Variants in KIF1B observed in about 807,000 individuals in gnomAD.
The protein encoded by KIF1B is kinesin-like protein KIF1B.
In KIF1B, 76 loss-of-function variants were observed where a neutral mutation model predicts 241.9. The observed-to-expected ratio is 0.31, with a 90% CI of 0.26 to 0.38. The LOEUF (loss-of-function observed/expected upper bound fraction) is 0.38, where lower values mean the gene tolerates loss of function less well. Among genes scored for constraint, KIF1B ranks in the 10% least tolerant of loss-of-function variants. The pLI is 1.00. For missense variants in KIF1B, 1,622 were observed against 2,271.4 expected (o/e 0.71, Z 5.81); for synonymous variants, 750 against 796.7 (o/e 0.94, Z 0.99).
rs182366746 is a variant in KIF1B at position 10,317,972 on chromosome 1, A to C, written c.2116-2071A>C. ...GTCAAATGCTAAAATCTTTATTTAAAGATGAAGAAGGTGAAGTTTAGAGAT... is the reference window on the plus strand; with the variant it reads ...GTCAAATGCTAAAATCTTTATTTAACGATGAAGAAGGTGAAGTTTAGAGAT... On this transcript the variant is annotated intron_variant, in intron 22 of 48. Coordinates refer to ENST00000676179, the MANE Select transcript of KIF1B (RefSeq NM_001365951.3). Among the ~76,000 whole-genome samples, 4 of 151,744 alleles carry C rather than the reference A, an allele frequency of 2.6e-5. No homozygotes were observed. In the East Asian group the frequency reaches 7.7e-4, roughly 29 times the overall value.
chr1:10,350,753 G>A (rs945946720), intron 37 of KIF1B, among the ~76,000 whole-genome samples: 4 of 152,092 alleles, frequency 2.6e-5, no homozygotes, highest in African/African-American at 9.7e-5. Context: ...CCAAGCTCAA[G>A]GACCCTCTGA....
intron 2 of KIF1B, among the ~76,000 whole-genome samples, chr1:10,238,584 G>T (rs1270620162): frequency 6.6e-6 from 1 of 151,498 alleles, no homozygotes; most frequent in African/African-American, 2.4e-5. Flanking sequence ...GCGCGCCTGT[G>T]GTTGCAGCTA....
intron 38 of KIF1B, 129 bp downstream of exon 38, chr1:10,352,865 CA>C: frequency 1.4e-6 from 1 of 690,552 alleles, no homozygotes; most frequent in Middle Eastern, 2.8e-4. Context: ...CTTCTAGCTT[CA>C]AAAATCTCTT....
At chr1:10,261,303 T>C (rs1182045811) in intron 4 of KIF1B, among the ~76,000 whole-genome samples, 1 of 137,334 alleles carries the variant, frequency 7.3e-6, no homozygotes, top group Non-Finnish European at 1.6e-5. Flanking sequence ...AGAGTTTCAC[T>C]CCTCTTGCCC....
Position 10,342,109 on chromosome 1 carries a change from T to C in KIF1B, c.3573T>C (p.Phe1191=), listed in dbSNP as rs1419522415. The change falls in exon 33 of 49, where the codon TTT becomes TTC. Residue 1191 remains phenylalanine, a synonymous_variant. Transcript: ENST00000676179. ...VDYIKTKPIV[F]EVFGHYQQHP... ...ACATCAAAACCAAGCCTATTGTATTTGAAGTCTTTGGGCATTATCAGCAGC... is the reference window on the plus strand; with the variant it reads ...ACATCAAAACCAAGCCTATTGTATTCGAAGTCTTTGGGCATTATCAGCAGC... 1.2e-6 allele frequency: 2 copies of C among 1,614,076 alleles called. No homozygotes were observed. Among genetic ancestry groups the C allele is most frequent in the Non-Finnish European group, 8.5e-7 (1 of 1,179,908 alleles).
chr1:10,211,986 G>A (rs780648974), intron 1 of KIF1B, among the ~76,000 whole-genome samples: 8 of 152,164 alleles, frequency 5.3e-5, no homozygotes, highest in Non-Finnish European at 1.2e-4. Context: ...CTGATAGTGG[G>A]CGAGGCTAGT....
In KIF1B at chr1:10,232,180, C is replaced by T. The variant is rs1016795235; in HGVS notation, c.-79-70C>T. ...CAGAAATAGAACTAAGATAGTAGTT[C>T]TTATGCTTAAGTTAGCCAGTTCTTG... On this transcript the variant is annotated intron_variant, in intron 1 of 48. Transcript: ENST00000676179. 17 of 640,100 alleles carry T rather than the reference C, an allele frequency of 2.7e-5. No individual in the cohort carries two copies. In the African/African-American group the frequency reaches 2.7e-4, roughly 10 times the overall value. The allele number at this position is 640,100 out of a possible 1,614,324, so 39.7% of individuals were successfully genotyped here.
rs1015802652 is a variant in KIF1B at position 10,251,033 on chromosome 1, G to A, written c.107-5214G>A. On this transcript the variant is annotated intron_variant, in intron 2 of 48. Coordinates refer to ENST00000676179, the MANE Select transcript of KIF1B (RefSeq NM_001365951.3). ...ATACAAAAATCAGCCAGGCATGATGGCGGGTGCCTGTAATCCTAGCTACTG... is the reference window on the plus strand; with the variant it reads ...ATACAAAAATCAGCCAGGCATGATGACGGGTGCCTGTAATCCTAGCTACTG... 3.3e-5 allele frequency among the ~76,000 whole-genome samples: 5 copies of A among 152,158 alleles called. No homozygotes were observed. In the East Asian group the frequency reaches 9.7e-4, roughly 30 times the overall value.
chr1:10,237,637 T>G (rs1018330667), intron 2 of KIF1B, among the ~76,000 whole-genome samples: 1 of 152,322 alleles, frequency 6.6e-6, no homozygotes, highest in Non-Finnish European at 1.5e-5. Context: ...TATAGGCTTT[T>G]TCATTCACGC....
rs1421686375 is a variant in KIF1B at position 10,380,664 on chromosome 1, C to T, written c.*4077C>T. On this transcript the variant is annotated 3_prime_UTR_variant, in exon 49 of 49. Coordinates refer to ENST00000676179, the MANE Select transcript of KIF1B (RefSeq NM_001365951.3). ...GAGGCTGCAGTGAGTTGAGACTGCA[C>T]CATTGCACTCCAGCCTGGGTGACAA... The T allele has an allele frequency of 1.0e-5, 2 of 197,604 alleles. No homozygotes were observed. Among genetic ancestry groups the T allele is most frequent in the Non-Finnish European group, 2.1e-5 (2 of 95,128 alleles). The allele number at this position is 197,604 out of a possible 1,614,324, so 12.2% of individuals were successfully genotyped here.
rs541773123 is a variant in KIF1B at position 10,329,549 on chromosome 1, A to G, written c.2924+3190A>G. ...AGAGTTCGAAACCAGCCTGGCCAACATGGTGAAACCTCGTCTCTACTAAGA... is the reference window on the plus strand; with the variant it reads ...AGAGTTCGAAACCAGCCTGGCCAACGTGGTGAAACCTCGTCTCTACTAAGA... On this transcript the variant is annotated intron_variant, in intron 27 of 48. Transcript: ENST00000676179. Among the ~76,000 whole-genome samples the G allele has an allele frequency of 1.1e-4, 16 of 152,316 alleles. 1 individual carries two copies. Among genetic ancestry groups the G allele is most frequent in the Middle Eastern group, 3.4e-3 (1 of 294 alleles).
intron 22 of KIF1B, among the ~76,000 whole-genome samples, chr1:10,316,209 G>A (rs1651297743): frequency 6.7e-6 from 1 of 148,198 alleles, no homozygotes; most frequent in Non-Finnish European, 1.5e-5. Flanking sequence ...CCCCAGCCTG[G>A]GTGACAGAGG....
chr1:10,265,321 A>G (rs1326730349), intron 5 of KIF1B, among the ~76,000 whole-genome samples: 3 of 151,354 alleles, frequency 2.0e-5, no homozygotes, highest in Non-Finnish European at 4.4e-5. Flanking sequence ...TGCATCCCCA[A>G]CCTCCTGGGC....
chr1:10,322,776 CTG>C (rs965201864), intron 24 of KIF1B, among the ~76,000 whole-genome samples: 24 of 152,062 alleles, frequency 1.6e-4, no homozygotes, highest in African/African-American at 5.6e-4. Flanking sequence ...AAGGCAGTAA[CTG>C]TCTTTTTTTC....
intron 22 of KIF1B, among the ~76,000 whole-genome samples, chr1:10,319,433 A>C (rs1651439589): frequency 6.6e-6 from 1 of 152,156 alleles, no homozygotes; most frequent in South Asian, 2.1e-4. Context: ...TATTGAAAAT[A>C]AAGTGTCTTA....
chr1:10,254,268 A>G (rs1410266612), intron 2 of KIF1B, among the ~76,000 whole-genome samples: 1 of 152,220 alleles, frequency 6.6e-6, no homozygotes, highest in Non-Finnish European at 1.5e-5. Context: ...ATTTCAGTCA[A>G]AAAAGTAATT....
intron 25 of KIF1B, among the ~76,000 whole-genome samples, chr1:10,324,453 C>T (rs1010182696): frequency 2.0e-4 from 30 of 152,050 alleles, no homozygotes; most frequent in African/African-American, 5.8e-4. Context: ...GTATTTCCCC[C>T]GTCTCAGTGT....
intron 4 of KIF1B, among the ~76,000 whole-genome samples, chr1:10,261,540 C>T (rs1238684714): frequency 6.6e-6 from 1 of 152,080 alleles, no homozygotes; most frequent in African/African-American, 2.4e-5. Context: ...CCTTGCCCAG[C>T]CCAAATTTTT....
intron 24 of KIF1B, among the ~76,000 whole-genome samples, chr1:10,322,254 G>A (rs944361620): frequency 6.6e-6 from 1 of 152,096 alleles, no homozygotes; most frequent in Non-Finnish European, 1.5e-5. Flanking sequence ...GGGTCTGAGA[G>A]GCACTGCTGT....
Sources: allele counts gnomAD v4.1 joint callset (sites outside exome capture counted in the v4.1 genomes callset), GRCh38; gene constraint gnomAD v4.1.1; transcripts MANE v1.5; gene names NCBI Gene and HGNC (gene_info 2026-07-23, HGNC 2026-07-21).